Variants in EYS observed in about 807,000 individuals in gnomAD.
EYS encodes the protein protein eyes shut homolog.
EYS carries 250 observed loss-of-function variants against 282.1 expected under a neutral mutation model. The ratio of observed to expected loss-of-function variants is 0.89; its 90% CI spans 0.80 to 0.98. The LOEUF (loss-of-function observed/expected upper bound fraction) is 0.98. EYS is among the 50% of genes least tolerant of loss of function. The pLI, the probability that EYS is intolerant of heterozygous loss-of-function variation, is 0.00. For missense variants in EYS, 4,016 were observed against 3,709.0 expected, an observed-to-expected ratio of 1.08 and a Z score of -2.15; for synonymous variants, 1,355 against 1,282.9, an observed-to-expected ratio of 1.06 and a Z score of -1.20.
At chr6:64,171,532 T>C (rs938629402) in intron 31 of EYS, among the ~76,000 whole-genome samples, 2 of 152,170 alleles carry the variant, frequency 1.3e-5, no homozygotes, top group Admixed American at 6.5e-5. Context: ...ATGTACTTAC[T>C]CTTAAAGTAC....
chr6:65,236,648 G>T (rs1027230099), intron 12 of EYS, among the ~76,000 whole-genome samples: 2 of 152,024 alleles, frequency 1.3e-5, no homozygotes, highest in Non-Finnish European at 2.9e-5. Context: ...TTTGGCAGAT[G>T]ATGGTTTGTG....
intron 29 of EYS, among the ~76,000 whole-genome samples, chr6:64,362,917 C>T (rs1026761938): frequency 6.6e-6 from 1 of 151,674 alleles, no homozygotes; most frequent in Admixed American, 6.6e-5. Context: ...ATGTGAATAT[C>T]CTTGTCAATT....
At chr6:64,341,520 C>A (rs1771111696) in intron 29 of EYS, among the ~76,000 whole-genome samples, 1 of 151,602 alleles carries the variant, frequency 6.6e-6, no homozygotes, top group South Asian at 2.1e-4. Context: ...AATATGAGAA[C>A]AACAGGCGCT....
rs561947094 is a variant in EYS at position 65,703,001 on chromosome 6, T to C, written c.-448+4134A>G. ...GTGAGTGAGCTTCATCCAATAACTT[T>C]AAGGCTTTTAGAGAAAAGACTGAGG... On this transcript the variant is annotated intron_variant, in intron 1 of 42. Coordinates refer to ENST00000503581, the MANE Select transcript of EYS (RefSeq NM_001142800.2). Among the ~76,000 whole-genome samples, 13 of 152,266 alleles carry C rather than the reference T, an allele frequency of 8.5e-5. 1 individual carries two copies. The South Asian group carries it at 2.1e-3, about 24-fold the overall frequency.
chr6:65,288,619 A>G (rs1201369828), intron 12 of EYS, among the ~76,000 whole-genome samples: 1 of 151,080 alleles, frequency 6.6e-6, no homozygotes, highest in East Asian at 1.9e-4. Flanking sequence ...GAGCTGCTTA[A>G]AAAGTTACCA....
chr6:65,388,020 T>C (rs1027705175), intron 7 of EYS, among the ~76,000 whole-genome samples: 14 of 152,018 alleles, frequency 9.2e-5, no homozygotes, highest in African/African-American at 3.1e-4. Flanking sequence ...TTTGCAATAC[T>C]ATTGCATGCT....
At chr6:65,653,277 A>G (rs1008095878) in intron 1 of EYS, among the ~76,000 whole-genome samples, 7 of 151,958 alleles carry the variant, frequency 4.6e-5, no homozygotes, top group Non-Finnish European at 8.8e-5. Context: ...GCACAGCAAG[A>G]AAAGAACAAA....
At chr6:64,086,803 C>T (rs1772172356) in intron 31 of EYS, among the ~76,000 whole-genome samples, 1 of 152,074 alleles carries the variant, frequency 6.6e-6, no homozygotes, top group South Asian at 2.1e-4. Flanking sequence ...ATAGAATGTC[C>T]TAAGCATATG....
intron 42 of EYS, among the ~76,000 whole-genome samples, chr6:63,725,875 A>G (rs1194822605): frequency 6.6e-6 from 1 of 152,184 alleles, no homozygotes; most frequent in African/African-American, 2.4e-5. Flanking sequence ...AGAAAGTCAA[A>G]TGTAAGATTT....
intron 33 of EYS, among the ~76,000 whole-genome samples, chr6:64,018,703 T>G (rs1229387507): frequency 1.3e-5 from 2 of 151,434 alleles, no homozygotes; most frequent in Admixed American, 1.3e-4. Context: ...TAAAGTTTTT[T>G]GAGATGAAGA....
chr6:64,864,746 T>G (rs1766367550), intron 19 of EYS, among the ~76,000 whole-genome samples: 1 of 151,484 alleles, frequency 6.6e-6, no homozygotes. Flanking sequence ...TTAGAAAGGT[T>G]AATAATGGGG....
chr6:65,332,769 T>A lies in EYS; in HGVS notation c.1766+2211A>T, dbSNP rs528228810. ...AGTGAAGTCATCTAGCCATGAACAT[T>A]TCATAGTGTTAATTTTTGTTAGTTT... On this transcript the variant is annotated intron_variant, in intron 11 of 42. Coordinates refer to ENST00000503581, the MANE Select transcript of EYS (RefSeq NM_001142800.2). 4.6e-5 allele frequency among the ~76,000 whole-genome samples: 7 copies of A among 151,486 alleles called. No homozygotes were observed. The South Asian group carries it at 1.5e-3, about 31-fold the overall frequency.
chr6:63,802,437 A>T (rs1408744305), intron 37 of EYS, among the ~76,000 whole-genome samples: 2 of 152,134 alleles, frequency 1.3e-5, no homozygotes, highest in Admixed American at 1.3e-4. Flanking sequence ...CACGTTCTGC[A>T]CATGCATCCC....
chr6:65,353,513 A>G lies in EYS; in HGVS notation c.1404T>C (p.Ile468=). Residue 468 remains isoleucine, a synonymous_variant, in exon 9 of 43, where the codon ATT becomes ATC. Transcript: ENST00000503581. The part of the protein sequence containing the change: ...LCYCGVTFHG[I]CQDKGPAQFE... ...ATTGAGCAGGACCTTTATCTTGGCA[A>G]ATACCATGGAAGGTGACTCCACAGT... 6.2e-7 allele frequency: 1 copy of G among 1,613,250 alleles called. No individual in the cohort carries two copies. The highest frequency in any genetic ancestry group is 8.5e-7 in the Non-Finnish European group (1 of 1,179,474).
In EYS at chr6:63,864,236, T is replaced by C. The variant is rs1416229947; in HGVS notation, c.7178A>G (p.Asp2393Gly). The C allele has an allele frequency of 6.4e-7, 1 of 1,550,804 alleles. No individual in the cohort carries two copies. The highest frequency in any genetic ancestry group is 2.4e-5 in the East Asian group (1 of 40,910). ...GATCVPKSGT[D>G]IVCLCPYGRS... ...CCCATATGGGCAGAGGCAGACAATA[T>C]CTGTTCCGGATTTTGGAACACAGGT... The change falls in exon 36 of 43, where the codon GAT (aspartate) becomes GGT (glycine). Residue 2393 changes from aspartate to glycine, a missense_variant. By Grantham distance (94) the Asp-to-Gly change is moderately conservative. Transcript: ENST00000503581.
intron 31 of EYS, among the ~76,000 whole-genome samples, chr6:64,140,812 G>A (rs766888297): frequency 6.6e-6 from 1 of 152,012 alleles, no homozygotes; most frequent in East Asian, 1.9e-4. Context: ...TCTCCTTTAT[G>A]GTTTCTCTAC....
chr6:64,109,626 G>C (rs989999823), intron 31 of EYS, among the ~76,000 whole-genome samples: 2 of 152,050 alleles, frequency 1.3e-5, no homozygotes, highest in African/African-American at 2.4e-5. Context: ...TTCACTATTT[G>C]AAATGCCTCA....
At chr6:63,999,298 C>T (rs1299895923) in intron 33 of EYS, 115 bp from the exon 34 acceptor site, 2 of 728,612 alleles carry the variant, frequency 2.7e-6, no homozygotes, top group Non-Finnish European at 4.9e-6. Flanking sequence ...TGGATCACAA[C>T]AATCCTGAAA....
chr6:65,136,892 G>A (rs1393634600), intron 12 of EYS, among the ~76,000 whole-genome samples: 3 of 152,002 alleles, frequency 2.0e-5, no homozygotes, highest in Non-Finnish European at 2.9e-5. Flanking sequence ...ATGTTGGCCA[G>A]CCTGGTGTCA....
Sources: gnomAD v4.1 joint callset for allele counts (sites outside exome capture counted in the v4.1 genomes callset) on GRCh38, gnomAD v4.1.1 for gene constraint, MANE v1.5 for transcripts, NCBI Gene and HGNC (gene_info 2026-07-23, HGNC 2026-07-21) for gene names.